Variants in BRWD1 observed in about 807,000 individuals in gnomAD.
The protein encoded by BRWD1 is bromodomain and WD repeat-containing protein 1.
BRWD1 carries 82 observed loss-of-function variants against 251.2 expected under a neutral mutation model. The ratio of observed to expected loss-of-function variants is 0.33; its 90% CI spans 0.27 to 0.39. BRWD1 has a LOEUF of 0.39. Ranked by LOEUF, BRWD1 falls within the 10% of genes least tolerant of loss-of-function variation. The probability of loss-of-function intolerance (pLI) is 1.00; values close to 1 mark genes in which losing one functional copy is unlikely to be tolerated. For synonymous variants in BRWD1, 918 were observed against 902.8 expected, an observed-to-expected ratio of 1.02 and a Z score of -0.30; for missense variants, 2,233 against 2,711.6, an observed-to-expected ratio of 0.82 and a Z score of 3.92.
chr21:39,272,275 A>G, intron 13 of BRWD1, among the ~76,000 whole-genome samples: 1 of 149,762 alleles, frequency 6.7e-6, no homozygotes, highest in Non-Finnish European at 1.5e-5. Flanking sequence ...ACTAACCTGC[A>G]CATTGTGCAC....
chr21:39,277,442 T>C (rs2035312860), intron 10 of BRWD1, 91 bp from the exon 11 acceptor site: 1 of 796,440 alleles, frequency 1.3e-6, no homozygotes, highest in African/African-American at 1.8e-5. Context: ...AAAAGAAAGA[T>C]CATTTACCCT....
Position 39,193,417 on chromosome 21 carries a change from G to A in BRWD1, c.*2842C>T. Reference sequence around the variant, plus strand: ...ATTGTAAGTATACCTTTTTAAATAAGGAGGACACGAAAAAAGAAAGCTTTG... The same window carrying A: ...ATTGTAAGTATACCTTTTTAAATAAAGAGGACACGAAAAAAGAAAGCTTTG... On this transcript the variant is annotated 3_prime_UTR_variant, in exon 41 of 41. Transcript: ENST00000342449. 2 of 984,588 alleles carry A rather than the reference G, an allele frequency of 2.0e-6. No homozygotes were observed. The highest frequency in any genetic ancestry group is 2.4e-6 in the Non-Finnish European group (2 of 829,282). 61.0% of individuals were successfully genotyped at this position (984,588 alleles called of 1,614,324 possible). A position where few individuals can be genotyped will look rare whatever the true frequency, so the allele number is the denominator to read the frequency against.
intron 15 of BRWD1, among the ~76,000 whole-genome samples, chr21:39,265,295 T>C (rs1279062429): frequency 3.3e-5 from 5 of 151,934 alleles, no homozygotes; most frequent in African/African-American, 4.8e-5. Context: ...CGTGGCAGTG[T>C]GCGTCTGTAG....
upstream of BRWD1, chr21:39,313,672 G>GGGGGGAGGAAGTAGTCCCTCCGCA (rs758688268): frequency 4.8e-6 from 2 of 419,840 alleles, no homozygotes; most frequent in Non-Finnish European, 8.1e-6. Context: ...GTTCCTCCGC[G>GGGGGGAGGAAGTAGTCCCTCCGCA]GGAGACGAAA....
upstream of BRWD1, chr21:39,313,893 G>A (rs914861909): frequency 6.5e-5 from 21 of 321,462 alleles, no homozygotes; most frequent in East Asian, 2.3e-4. Context: ...GCGGCTGCCC[G>A]GGCTTTGTGA....
At chr21:39,216,719 TA>T (rs1244226462) in intron 31 of BRWD1, 32 of 422,756 alleles carry the variant, frequency 7.6e-5, no homozygotes, top group Non-Finnish European at 1.3e-4. Flanking sequence ...TGGACTGTGT[TA>T]AAGACTTCAC....
chr21:39,269,879 G>C lies in BRWD1; in HGVS notation c.1530+20C>G. ...AACAAATTATCAAGCATGTATCAAG[G>C]TACATCTCACTTCACTTACCATATT... On this transcript the variant is annotated intron_variant, in intron 15 of 40. Coordinates refer to ENST00000342449, the MANE Select transcript of BRWD1 (RefSeq NM_033656.4). 6.7e-7 allele frequency: 1 copy of C among 1,482,240 alleles called. No homozygotes were observed. 91.8% of individuals were successfully genotyped at this position (1,482,240 alleles called of 1,614,324 possible). A position where few individuals can be genotyped will look rare whatever the true frequency, so the allele number is the denominator to read the frequency against.
chr21:39,268,379 C>T (rs953130639), intron 15 of BRWD1, among the ~76,000 whole-genome samples: 5 of 148,740 alleles, frequency 3.4e-5, no homozygotes, highest in African/African-American at 5.0e-5. Flanking sequence ...AGGCGGAGGT[C>T]GCAGCGACCC....
At chr21:39,312,576 G>A (rs756828261) in intron 4 of BRWD1, 2 of 343,522 alleles carry the variant, frequency 5.8e-6, no homozygotes, top group Non-Finnish European at 1.1e-5. Flanking sequence ...GCCGCACCTG[G>A]AGCCCCACCC....
Position 39,262,696 on chromosome 21 carries a change from G to A in BRWD1, c.1885+1764C>T, listed in dbSNP as rs190168619. Among the ~76,000 whole-genome samples the A allele has an allele frequency of 4.7e-3, 716 of 151,790 alleles. 11 individuals are homozygous for A. Among genetic ancestry groups the A allele is most frequent in the African/African-American group, 0.017 (686 of 41,400 alleles). ...TGCCACTGCACTCCAGTCTGCCGAC[G>A]GAGCAAGACTCCGTCTCAAAAAGAT... On this transcript the variant is annotated intron_variant, in intron 17 of 40. Transcript: ENST00000342449.
At chr21:39,287,482 A>G (rs1344281199) in intron 8 of BRWD1, among the ~76,000 whole-genome samples, 7 of 152,204 alleles carry the variant, frequency 4.6e-5, no homozygotes, top group Admixed American at 4.6e-4. Flanking sequence ...CATAGTTACA[A>G]GTCAATTCAG....
At chr21:39,318,585 T>C (rs543530417), upstream of BRWD1, among the ~76,000 whole-genome samples, 1 of 152,284 alleles carries the variant, frequency 6.6e-6, no homozygotes, top group South Asian at 2.1e-4. Context: ...ATCACTTCAT[T>C]CATTCATTCA....
At chr21:39,285,582 CTT>C (rs2035607072) in intron 8 of BRWD1, among the ~76,000 whole-genome samples, 1 of 152,126 alleles carries the variant, frequency 6.6e-6, no homozygotes, top group Non-Finnish European at 1.5e-5. Context: ...ACACTGTATT[CTT>C]TGTCTTTCTA....
At chr21:39,200,122 A>T in intron 39 of BRWD1, 97 bp downstream of exon 39, 1 of 1,166,410 alleles carries the variant, frequency 8.6e-7, no homozygotes, top group Non-Finnish European at 1.2e-6. Context: ...ACATTAACTT[A>T]ATCTTACGTA....
chr21:39,251,602 A>C (rs2034396001), intron 19 of BRWD1, among the ~76,000 whole-genome samples: 1 of 152,186 alleles, frequency 6.6e-6, no homozygotes, highest in South Asian at 2.1e-4. Flanking sequence ...ATAAAAACTG[A>C]TTTTTAAGAA....
chr21:39,300,542 T>C (rs2036081471), intron 4 of BRWD1, among the ~76,000 whole-genome samples: 1 of 152,208 alleles, frequency 6.6e-6, no homozygotes, highest in African/African-American at 2.4e-5. Context: ...ATTTACTGAA[T>C]GTAACAAAGC....
chr21:39,194,035 G>T lies in BRWD1; in HGVS notation c.*2224C>A, dbSNP rs115459607. 3.4e-3 allele frequency: 3,398 copies of T among 985,440 alleles called. 84 individuals carry two copies. In the African/African-American group the frequency reaches 0.053, roughly 15 times the overall value. The allele number at this position is 985,440 out of a possible 1,614,324, so 61.0% of individuals were successfully genotyped here. A position where few individuals can be genotyped will look rare whatever the true frequency, so the allele number is the denominator to read the frequency against. On this transcript the variant is annotated 3_prime_UTR_variant, in exon 41 of 41. Coordinates refer to ENST00000342449, the MANE Select transcript of BRWD1 (RefSeq NM_033656.4). ...TAAAGACATCAGGTCCATTCTTGCT[G>T]CTTCTGATGAAACCAAATCTGATTA...
At position 39,313,575 on chromosome 21, in the gene BRWD1, C is replaced by T. The variant is rs909001929; in HGVS notation, c.-84G>A. ...CGAGGCCTGACCGGGCTGGCGTCCC[C>T]TCTTCTCAGGCGCGCGCCGCCGCCG... On this transcript the variant is annotated 5_prime_UTR_variant, in exon 1 of 41. Transcript: ENST00000342449. The T allele has an allele frequency of 4.9e-4, 573 of 1,171,884 alleles. 4 individuals are homozygous for T. In the African/African-American group the frequency reaches 8.6e-3, roughly 18 times the overall value. 72.6% of individuals were successfully genotyped at this position (1,171,884 alleles called of 1,614,324 possible).
chr21:39,308,677 T>C (rs1286076844), intron 4 of BRWD1, among the ~76,000 whole-genome samples: 1 of 152,164 alleles, frequency 6.6e-6, no homozygotes, highest in African/African-American at 2.4e-5. Context: ...GTTTGGGGCA[T>C]ACTCTGGGCA....
Sources: allele counts gnomAD v4.1 joint callset (sites outside exome capture counted in the v4.1 genomes callset), GRCh38; gene constraint gnomAD v4.1.1; transcripts MANE v1.5; gene names NCBI Gene and HGNC (gene_info 2026-07-23, HGNC 2026-07-21).